The following KLHL21 variants were observed in gnomAD, a reference collection of about 807,000 sequenced individuals.
KLHL21 encodes the protein kelch like family member 21, also known as kelch-like protein 21.
In KLHL21, 42 loss-of-function variants were observed where a neutral mutation model predicts 44.1. The observed-to-expected ratio is 0.95, with a 90% CI of 0.74 to 1.23. The LOEUF (loss-of-function observed/expected upper bound fraction) is 1.23, where lower values mean the gene tolerates loss of function less well. Among genes scored for constraint, KLHL21 ranks in the 50% most tolerant of loss-of-function variants. KLHL21 has a pLI of 0.00. For synonymous variants in KLHL21, 524 were observed against 411.6 expected (o/e 1.27, Z -3.31); for missense variants, 918 against 889.1 (o/e 1.03, Z -0.41).
rs1402901741 is a variant in KLHL21 at position 6,599,409 on chromosome 1, G to C, written c.1065C>G (p.Tyr355Ter). ...GSRLYDCVWR[Y>*]NSSVNEWAEV... The stretch of plus-strand genomic sequence containing the variant: ...CCGCCCACTCATTCACGCTTGAGTT[G>C]TACCTCCACACGCAGTCATAGAGCC... Residue 355 changes from tyrosine to a stop codon, truncating the protein, a stop_gained, in exon 2 of 4, where the codon TAC becomes TAG. Transcript: ENST00000377658. LOFTEE classifies it high-confidence loss of function. The C allele has an allele frequency of 2.5e-6, 4 of 1,612,932 alleles. No individual in the cohort carries two copies. Among genetic ancestry groups the C allele is most frequent in the Non-Finnish European group, 3.4e-6 (4 of 1,179,792 alleles).
At position 6,593,510 on chromosome 1, in the gene KLHL21, G is replaced by A; in HGVS notation, c.1649C>T (p.Thr550Ile). ...WSVVGRLPEP[T>I]FWHGSVSIFR... ...GATGCTGACACTGCCATGCCAGAAG[G>A]TGGGTTCTGGGAGCCGCCCCACCAC... Residue 550 changes from threonine to isoleucine, a missense_variant, in exon 4 of 4, where the codon ACC becomes ATC. Physicochemically the swap from Thr to Ile is moderately conservative, Grantham distance 89. Transcript: ENST00000377658. 2 of 1,613,864 alleles carry A rather than the reference G, an allele frequency of 1.2e-6. No homozygotes were observed. The highest frequency in any genetic ancestry group is 1.7e-6 in the Non-Finnish European group (2 of 1,180,026).
Position 6,591,931 on chromosome 1 carries a change from G to A in KLHL21, c.*1434C>T, listed in dbSNP as rs930773350. On this transcript the variant is annotated 3_prime_UTR_variant, in exon 4 of 4. Coordinates refer to ENST00000377658, the MANE Select transcript of KLHL21 (RefSeq NM_014851.4). ...CTTCCCAGCACAGCAGGTGCTGGAA[G>A]ATGACCATGACCCAAGCGAGAAGAG... 1.3e-5 allele frequency: 2 copies of A among 152,384 alleles called. No homozygotes were observed. Among genetic ancestry groups the A allele is most frequent in the Non-Finnish European group, 2.9e-5 (2 of 68,160 alleles). The allele number at this position is 152,384 out of a possible 1,614,324, so 9.4% of individuals were successfully genotyped here. A position where few individuals can be genotyped will look rare whatever the true frequency, so the allele number is the denominator to read the frequency against.
rs1557438115 is a variant in KLHL21 at position 6,602,729 on chromosome 1, G to GCGCGCAGCTGGCTCAGGC, written c.71_88dup (p.Gly24_Arg29dup). ...GGTCACGTCCAGGAACTTGCGCTCG[G>GCGCGCAGCTGGCTCAGGC]CGCGCAGCTGGCTCAGGCCGCGCAG... is the stretch of plus-strand genomic sequence containing the variant. On this transcript the variant is annotated inframe_insertion, in exon 1 of 4. Coordinates refer to ENST00000377658, the MANE Select transcript of KLHL21 (RefSeq NM_014851.4). The GCGCGCAGCTGGCTCAGGC allele has an allele frequency of 2.0e-6, 3 of 1,512,080 alleles. No individual in the cohort carries two copies. The highest frequency in any genetic ancestry group is 2.6e-6 in the Non-Finnish European group (3 of 1,137,664). The allele number at this position is 1,512,080 out of a possible 1,614,324, so 93.7% of individuals were successfully genotyped here. A position where few individuals can be genotyped will look rare whatever the true frequency, so the allele number is the denominator to read the frequency against.
rs375443749 is a variant in KLHL21, at chr1:6,593,379, C to T, written c.1780G>A (p.Asp594Asn). 49 of 1,596,748 alleles carry T rather than the reference C, an allele frequency of 3.1e-5. No individual in the cohort carries two copies. The highest frequency in any genetic ancestry group is 4.0e-5 in the African/African-American group (3 of 74,592). The change falls in exon 4 of 4, where the codon GAT becomes AAT. Residue 594 changes from aspartate to asparagine, a missense_variant. Transcript: ENST00000377658. ...PGRPRPPRDP[D>N]ELH ...CCAGACTGGGGCTAGTGCAGCTCAT[C>T]GGGGTCCCGCGGCGGCCGGGGTCGG...
rs1309756321 is a variant in KLHL21 at position 6,602,641 on chromosome 1, G to A, written c.177C>T (p.Pro59=). The change falls in exon 1 of 4, where the codon CCC becomes CCT. Residue 59 remains proline (P), a synonymous_variant. Transcript: ENST00000377658. The stretch of plus-strand genomic sequence containing the variant: ...GCCCCGCGAACATGGCGCGGAAGTA[G>A]GGGCTGGCGGCGGCCAGCACCGCAC... ...AHRAVLAAAS[P]YFRAMFAGQL... 3 of 1,515,226 alleles carry A rather than the reference G, an allele frequency of 2.0e-6. No homozygotes were observed. Among genetic ancestry groups the A allele is most frequent in the African/African-American group, 1.4e-5 (1 of 70,816 alleles). 93.9% of individuals were successfully genotyped at this position (1,515,226 alleles called of 1,614,324 possible).
Position 6,599,367 on chromosome 1 carries a change from C to T in KLHL21, c.1107G>A (p.Leu369=). 2 of 1,613,794 alleles carry T rather than the reference C, an allele frequency of 1.2e-6. No individual in the cohort carries two copies. Among genetic ancestry groups the T allele is most frequent in the Non-Finnish European group, 1.7e-6 (2 of 1,180,022 alleles). ...VNEWAEVAPM[L]KAREYHSSSV... ...AGGAGCTGTGGTACTCGCGGGCCTT[C>T]AGCATGGGCGCCACCTCCGCCCACT... The change falls in exon 2 of 4, where the codon CTG becomes CTA. Residue 369 remains leucine, a synonymous_variant. Coordinates refer to ENST00000377658, the MANE Select transcript of KLHL21 (RefSeq NM_014851.4).
In KLHL21 at chr1:6,593,225, G is replaced by GCATT. The variant is rs2148700425; in HGVS notation, c.*139_*140insAATG. 1.1e-6 allele frequency: 1 copy of GCATT among 872,314 alleles called. No homozygotes were observed. Among genetic ancestry groups the GCATT allele is most frequent in the South Asian group, 1.9e-5 (1 of 51,756 alleles). The allele number at this position is 872,314 out of a possible 1,614,324, so 54.0% of individuals were successfully genotyped here. ...AAGGTACAGAAACCTTCCAGGTAAT[G>GCATT]GATCCTGGGCTGGCTTCGCCACCCA... On this transcript the variant is annotated 3_prime_UTR_variant, in exon 4 of 4. Transcript: ENST00000377658.
In KLHL21 at chr1:6,602,667, G is replaced by A. The variant is rs1641052579; in HGVS notation, c.151C>T (p.Arg51Cys). Residue 51 changes from arginine to cysteine, a missense_variant, in exon 1 of 4, where the codon CGT becomes TGT. Arg to Cys is a radical substitution (Grantham distance 180). Coordinates refer to ENST00000377658, the MANE Select transcript of KLHL21 (RefSeq NM_014851.4). ...GGGCTGGCGGCGGCCAGCACCGCAC[G>A]GTGCGCCGGGAAGTCGCGCCCGCCC... ...AAGGRDFPAH[R>C]AVLAAASPYF... The A allele has an allele frequency of 6.6e-7, 1 of 1,511,408 alleles. No individual in the cohort carries two copies. The highest frequency in any genetic ancestry group is 8.8e-7 in the Non-Finnish European group (1 of 1,137,568). 93.6% of individuals were successfully genotyped at this position (1,511,408 alleles called of 1,614,324 possible). A position where few individuals can be genotyped will look rare whatever the true frequency, so the allele number is the denominator to read the frequency against.
rs1640841746 is a variant in KLHL21 at position 6,591,077 on chromosome 1, G to A, written c.*2288C>T. 3 of 398,674 alleles carry A rather than the reference G, an allele frequency of 7.5e-6. No individual in the cohort carries two copies. Among genetic ancestry groups the A allele is most frequent in the Non-Finnish European group, 4.4e-6 (1 of 226,094 alleles). The allele number at this position is 398,674 out of a possible 1,614,324, so 24.7% of individuals were successfully genotyped here. A position where few individuals can be genotyped will look rare whatever the true frequency, so the allele number is the denominator to read the frequency against. On this transcript the variant is annotated 3_prime_UTR_variant, in exon 4 of 4. Coordinates refer to ENST00000377658, the MANE Select transcript of KLHL21 (RefSeq NM_014851.4). Reference sequence around the variant, plus strand: ...TGTAAAGACATCCTTAAGTGGTGGAGACATGACAGCCCAGAACCCACAGCA... The same window carrying A: ...TGTAAAGACATCCTTAAGTGGTGGAAACATGACAGCCCAGAACCCACAGCA...
At chr1:6,597,260 G>C (rs1027794515) in intron 2 of KLHL21, among the ~76,000 whole-genome samples, 7 of 152,198 alleles carry the variant, frequency 4.6e-5, no homozygotes, top group African/African-American at 1.7e-4. Context: ...TTCCCTATGG[G>C]AAGGTTAACC....
chr1:6,597,041 T>C (rs1287209528), intron 2 of KLHL21, among the ~76,000 whole-genome samples: 5 of 152,224 alleles, frequency 3.3e-5, no homozygotes, highest in Admixed American at 2.6e-4. Flanking sequence ...GCAGGGCCCC[T>C]GCATGCTTAG....
Position 6,602,843 on chromosome 1 carries a change from C to G in KLHL21, c.-26G>C, listed in dbSNP as rs1021066717. On this transcript the variant is annotated 5_prime_UTR_variant, in exon 1 of 4. Transcript: ENST00000377658. ...GGCGCCTTCGATAGGTTGTCGAGGA[C>G]GCCGCGGCCGGGGCCTGCGGAGAGA... The G allele has an allele frequency of 7.1e-7, 1 of 1,399,454 alleles. No individual in the cohort carries two copies. Among genetic ancestry groups the G allele is most frequent in the African/African-American group, 1.5e-5 (1 of 65,500 alleles). The allele number at this position is 1,399,454 out of a possible 1,614,324, so 86.7% of individuals were successfully genotyped here. A position where few individuals can be genotyped will look rare whatever the true frequency, so the allele number is the denominator to read the frequency against.
chr1:6,591,277 A>G lies in KLHL21; in HGVS notation c.*2088T>C, dbSNP rs768529747. The stretch of plus-strand genomic sequence containing the variant: ...CTGGGTAGGTCCGGAGGACAGACAC[A>G]GGAGAGGGCACAATCCCAAGCGCAG... On this transcript the variant is annotated 3_prime_UTR_variant, in exon 4 of 4. Transcript: ENST00000377658. 8.8e-6 allele frequency: 3 copies of G among 339,408 alleles called. No homozygotes were observed. The highest frequency in any genetic ancestry group is 1.6e-5 in the Non-Finnish European group (3 of 188,772). 21.0% of individuals were successfully genotyped at this position (339,408 alleles called of 1,614,324 possible).
Position 6,601,826 on chromosome 1 carries a change from A to C in KLHL21, c.992T>G (p.Val331Gly). Residue 331 changes from valine to glycine, a missense_variant, in exon 1 of 4, where the codon GTG becomes GGG. Val to Gly is a moderately radical substitution (Grantham distance 109, BLOSUM62 -3). Transcript: ENST00000377658. ...CACGTAGATGTCATTGCCCAGCGCCACGATGCTGTAGCCTCCGCCCAGGTG... is the reference window on the plus strand; with the variant it reads ...CACGTAGATGTCATTGCCCAGCGCCCCGATGCTGTAGCCTCCGCCCAGGTG... ...PDHLGGGYSI[V>G]ALGNDIYVTG... 2 of 1,584,314 alleles carry C rather than the reference A, an allele frequency of 1.3e-6. No individual in the cohort carries two copies. Among genetic ancestry groups the C allele is most frequent in the Non-Finnish European group, 1.7e-6 (2 of 1,165,606 alleles).
intron 1 of KLHL21, among the ~76,000 whole-genome samples, chr1:6,601,323 A>C (rs1236094838): frequency 6.6e-6 from 1 of 152,170 alleles, no homozygotes; most frequent in Non-Finnish European, 1.5e-5. Flanking sequence ...GTGCAAGCCC[A>C]AGGGAACCTT....
chr1:6,601,007 C>T (rs1209711913), intron 1 of KLHL21, among the ~76,000 whole-genome samples: 1 of 152,222 alleles, frequency 6.6e-6, no homozygotes, highest in Non-Finnish European at 1.5e-5. Context: ...ACATCCCAGT[C>T]CCCACCTCCT....
At position 6,602,266 on chromosome 1, in the gene KLHL21, G is replaced by A. The variant is rs751245707; in HGVS notation, c.552C>T (p.Tyr184=). The change falls in exon 1 of 4, where the codon TAC becomes TAT. Residue 184 remains tyrosine, a synonymous_variant. Coordinates refer to ENST00000377658, the MANE Select transcript of KLHL21 (RefSeq NM_014851.4). The part of the protein sequence containing the change: ...ERLPLARLLR[Y]LRDDGLCVPK... The stretch of plus-strand genomic sequence containing the variant: ...GCACACACAGCCCGTCGTCCCGCAG[G>A]TAGCGCAGCAGGCGCGCCAGTGGCA... 1.4e-5 allele frequency: 21 copies of A among 1,552,248 alleles called. No individual in the cohort carries two copies. The highest frequency in any genetic ancestry group is 1.8e-5 in the Non-Finnish European group (21 of 1,156,424).
chr1:6,599,557 T>C, intron 1 of KLHL21, 105 bp from the exon 2 acceptor site: 1 of 1,176,898 alleles, frequency 8.5e-7, no homozygotes, highest in Non-Finnish European at 1.2e-6. Flanking sequence ...GGAATTAACA[T>C]CACTGGGCTT....
intron 1 of KLHL21, chr1:6,599,811 C>A: frequency 4.0e-6 from 1 of 250,080 alleles, no homozygotes; most frequent in Non-Finnish European, 7.7e-6. Context: ...CAGAGCTTGT[C>A]AGCAGGGCAC....
Sources: allele counts gnomAD v4.1 joint callset (sites outside exome capture counted in the v4.1 genomes callset), GRCh38; gene constraint gnomAD v4.1.1; transcripts MANE v1.5; gene names NCBI Gene and HGNC (gene_info 2026-07-23, HGNC 2026-07-21).